ARFGEF1: variants seen among roughly 807,000 people sequenced by gnomAD.
The protein encoded by ARFGEF1 is brefeldin A-inhibited guanine nucleotide-exchange protein 1.
Under a neutral mutation model 231.0 loss-of-function variants are expected in ARFGEF1, and 42 were observed. The observed-to-expected ratio is 0.18, with a 90% CI of 0.14 to 0.24. The LOEUF (loss-of-function observed/expected upper bound fraction) is 0.24, where lower values mean the gene tolerates loss of function less well. Ranked by LOEUF, ARFGEF1 falls within the 10% of genes least tolerant of loss-of-function variation. The pLI is 1.00. For missense variants in ARFGEF1, 1,345 were observed against 2,192.0 expected (o/e 0.61, Z 7.72); for synonymous variants, 710 against 732.3 (o/e 0.97, Z 0.49).
In ARFGEF1 at chr8:67,234,177, C is replaced by T. The variant is rs1839641086; in HGVS notation, c.3290-1232G>A. Among the ~76,000 whole-genome samples the T allele has an allele frequency of 4.6e-5, 7 of 152,160 alleles. No individual in the cohort carries two copies. The South Asian group carries it at 1.5e-3, about 32-fold the overall frequency. On this transcript the variant is annotated intron_variant, in intron 22 of 38. Transcript: ENST00000262215. Reference sequence around the variant, plus strand: ...ACATAACAGATGATATCATTTAAACCTGCTGAACTCAAATTCTATTCTAGG... The same window carrying T: ...ACATAACAGATGATATCATTTAAACTTGCTGAACTCAAATTCTATTCTAGG...
chr8:67,236,393 T>TAC (rs1839768690), intron 22 of ARFGEF1, among the ~76,000 whole-genome samples: 2 of 96,140 alleles, frequency 2.1e-5, no homozygotes, highest in Non-Finnish European at 4.1e-5. Context: ...TATATATATA[T>TAC]ATATATATAT....
chr8:67,337,794 C>T (rs1264985968), intron 1 of ARFGEF1, among the ~76,000 whole-genome samples: 1 of 152,180 alleles, frequency 6.6e-6, no homozygotes, highest in African/African-American at 2.4e-5. Context: ...ACCTTCTGAA[C>T]TCTTTCTTCT....
At chr8:67,212,741 AC>A (rs1268360230) in intron 33 of ARFGEF1, among the ~76,000 whole-genome samples, 1 of 152,206 alleles carries the variant, frequency 6.6e-6, no homozygotes, top group Non-Finnish European at 1.5e-5. Context: ...TCAAAACAAT[AC>A]GTTAGCTTGG....
At chr8:67,175,108 GAA>G (rs1831297174), downstream of ARFGEF1, 1 of 573,220 alleles carries the variant, frequency 1.7e-6, no homozygotes, top group Admixed American at 3.1e-5. Context: ...ACTTATTAAA[GAA>G]TATTAATTTC....
In ARFGEF1 at chr8:67,203,263, A is replaced by C. The variant is rs768331314; in HGVS notation, c.4960-12T>G. 1.9e-6 allele frequency: 3 copies of C among 1,612,996 alleles called. No homozygotes were observed. The highest frequency in any genetic ancestry group is 2.5e-6 in the Non-Finnish European group (3 of 1,179,494). On this transcript the variant is annotated splice_polypyrimidine_tract_variant and intron_variant, in intron 35 of 38. Coordinates refer to ENST00000262215, the MANE Select transcript of ARFGEF1 (RefSeq NM_006421.5). The stretch of plus-strand genomic sequence containing the variant: ...TCCACCGCATCTCTCTTTGGAAAAC[A>C]AACCACCCCAGCATATACACACAGT...
At position 67,299,204 on chromosome 8, in the gene ARFGEF1, A is replaced by C; in HGVS notation, c.459+5T>G. 2 of 1,522,598 alleles carry C rather than the reference A, an allele frequency of 1.3e-6. No individual in the cohort carries two copies. Among genetic ancestry groups the C allele is most frequent in the Non-Finnish European group, 1.8e-6 (2 of 1,138,928 alleles). The allele number at this position is 1,522,598 out of a possible 1,614,324, so 94.3% of individuals were successfully genotyped here. ...AATAACAATTTTACTTTATATAATA[A>C]TTACCTTTATTATCTGCAGCTGAAC... On this transcript the variant is annotated splice_donor_5th_base_variant and intron_variant, in intron 4 of 38. Coordinates refer to ENST00000262215, the MANE Select transcript of ARFGEF1 (RefSeq NM_006421.5).
chr8:67,288,110 G>A, intron 6 of ARFGEF1, 45 bp from the exon 7 acceptor site: 2 of 1,347,412 alleles, frequency 1.5e-6, no homozygotes, highest in Non-Finnish European at 2.0e-6. Context: ...TTAACTTTTT[G>A]GAAGCTTTTT....
chr8:67,302,443 T>C lies in ARFGEF1; in HGVS notation c.148A>G (p.Lys50Glu), dbSNP rs1409793632. 1.9e-6 allele frequency: 3 copies of C among 1,575,078 alleles called. No homozygotes were observed. Among genetic ancestry groups the C allele is most frequent in the Admixed American group, 1.9e-5 (1 of 52,350 alleles). The change falls in exon 2 of 39, where the codon AAA becomes GAA. Residue 50 changes from lysine to glutamate, a missense_variant. By Grantham distance (56) the Lys-to-Glu change is moderately conservative. Around this residue, in one of 14 missense-constraint regions of ARFGEF1, gnomAD observed 398 missense variants for 463.2 expected, o/e 0.86. Coordinates refer to ENST00000262215, the MANE Select transcript of ARFGEF1 (RefSeq NM_006421.5). ...AAAAGAAATCCCACAAACCTCTGTTTTTCAGTTTCCGCTTTTATTTCCTCT... is the reference window on the plus strand; with the variant it reads ...AAAAGAAATCCCACAAACCTCTGTTCTTCAGTTTCCGCTTTTATTTCCTCT... ...ALEEIKAETE[K>E]QSPPHGEAKA...
chr8:67,199,355 A>G, intron 38 of ARFGEF1: 1 of 339,490 alleles, frequency 2.9e-6, no homozygotes, highest in Non-Finnish European at 5.3e-6. Flanking sequence ...GTAATTTAGC[A>G]CTGTTTTTCC....
At chr8:67,205,876 ATAAAT>A (rs1275708831) in intron 34 of ARFGEF1, among the ~76,000 whole-genome samples, 3 of 150,878 alleles carry the variant, frequency 2.0e-5, no homozygotes, top group South Asian at 2.1e-4. Context: ...AAATAAATAA[ATAAAT>A]AAATAAATAA....
chr8:67,233,398 A>C (rs1839616294), intron 22 of ARFGEF1, among the ~76,000 whole-genome samples: 1 of 151,982 alleles, frequency 6.6e-6, no homozygotes, highest in Non-Finnish European at 1.5e-5. Flanking sequence ...ACACCCTTTT[A>C]TTGAAAAGAA....
Position 67,197,779 on chromosome 8 carries a change from A to C in ARFGEF1, c.*1155T>G, listed in dbSNP as rs1838128159. Reference sequence around the variant, plus strand: ...CAGAATTTTTTACATAGAAAACTTTACATCTGTACCATATACATTTTGTCC... The same window carrying C: ...CAGAATTTTTTACATAGAAAACTTTCCATCTGTACCATATACATTTTGTCC... On this transcript the variant is annotated 3_prime_UTR_variant, in exon 39 of 39. Coordinates refer to ENST00000262215, the MANE Select transcript of ARFGEF1 (RefSeq NM_006421.5). 3.0e-6 allele frequency: 3 copies of C among 985,862 alleles called. No individual in the cohort carries two copies. Among genetic ancestry groups the C allele is most frequent in the Non-Finnish European group, 3.6e-6 (3 of 829,910 alleles). The allele number at this position is 985,862 out of a possible 1,614,324, so 61.1% of individuals were successfully genotyped here.
At position 67,256,419 on chromosome 8, in the gene ARFGEF1, T is replaced by C. The variant is rs1320770276; in HGVS notation, c.2526+1313A>G. 2.6e-5 allele frequency among the ~76,000 whole-genome samples: 4 copies of C among 152,306 alleles called. No individual in the cohort carries two copies. In the East Asian group the frequency reaches 5.8e-4, roughly 22 times the overall value. On this transcript the variant is annotated intron_variant, in intron 17 of 38. Coordinates refer to ENST00000262215, the MANE Select transcript of ARFGEF1 (RefSeq NM_006421.5). ...GTATATACATATGTATATAATCGTA[T>C]ATATTCTTACTTTAGGTTTGGTATA...
intron 14 of ARFGEF1, among the ~76,000 whole-genome samples, chr8:67,265,316 C>T (rs922251763): frequency 4.6e-5 from 7 of 152,016 alleles, no homozygotes; most frequent in African/African-American, 1.7e-4. Flanking sequence ...AGTAGCAAAC[C>T]AAGTAAGCAC....
At chr8:67,205,814 C>T (rs1336471270) in intron 34 of ARFGEF1, among the ~76,000 whole-genome samples, 3 of 151,928 alleles carry the variant, frequency 2.0e-5, no homozygotes, top group African/African-American at 4.8e-5. Flanking sequence ...ACCAAGATCA[C>T]ACCACTGCAC....
chr8:67,319,606 C>G (rs544960232), intron 1 of ARFGEF1, among the ~76,000 whole-genome samples: 1 of 151,482 alleles, frequency 6.6e-6, no homozygotes, highest in South Asian at 2.1e-4. Context: ...ATCAAACTTT[C>G]GGAAAACATA....
chr8:67,310,090 C>T (rs550960468), intron 1 of ARFGEF1, among the ~76,000 whole-genome samples: 1 of 150,852 alleles, frequency 6.6e-6, no homozygotes, highest in South Asian at 2.1e-4. Flanking sequence ...AGAATCGCTC[C>T]CCTCTCCCTC....
intron 29 of ARFGEF1, among the ~76,000 whole-genome samples, chr8:67,219,787 T>A (rs1016179199): frequency 2.0e-5 from 3 of 152,228 alleles, no homozygotes; most frequent in African/African-American, 7.2e-5. Flanking sequence ...TAAACTTTTT[T>A]ATTTTACTTT....
chr8:67,292,387 G>A (rs1423575189), intron 5 of ARFGEF1, among the ~76,000 whole-genome samples: 2 of 152,084 alleles, frequency 1.3e-5, no homozygotes, highest in African/African-American at 4.8e-5. Flanking sequence ...TTGTGTGGAT[G>A]AAACACACGC....
Sources: allele counts gnomAD v4.1 joint callset (sites outside exome capture counted in the v4.1 genomes callset), GRCh38; gene constraint gnomAD v4.1.1; regional missense constraint gnomAD v4.1.1; transcripts MANE v1.5; gene names NCBI Gene and HGNC (gene_info 2026-07-23, HGNC 2026-07-21).